GOLGB1: variants seen among roughly 807,000 people sequenced by gnomAD.
The protein encoded by GOLGB1 is golgin B1, also known as golgin subfamily B member 1.
Under a neutral mutation model 336.9 loss-of-function variants are expected in GOLGB1, and 174 were observed. That is an observed-to-expected ratio of 0.52 (90% confidence interval 0.46 to 0.59). The LOEUF (loss-of-function observed/expected upper bound fraction) is 0.59. GOLGB1 is among the 20% of genes least tolerant of loss of function. GOLGB1 has a pLI of 0.00. For missense variants in GOLGB1, 3,331 were observed against 3,645.3 expected (o/e 0.91, Z 2.22); for synonymous variants, 1,208 against 1,289.2 (o/e 0.94, Z 1.35).
At position 121,716,963 on chromosome 3, in the gene GOLGB1, A is replaced by G; in HGVS notation, c.1062T>C (p.Phe354=). The change falls in exon 9 of 22, where the codon TTT becomes TTC. Residue 354 remains phenylalanine (F), a synonymous_variant. Transcript: ENST00000614479. ...QEEMHHLLEQ[F]EQAGQAQAEL... ...CAGCCTGGGCTTGGCCTGCTTGCTC[A>G]AACTGTTCTAAAAGATGATGCATTT... 1 of 1,614,050 alleles carries G rather than the reference A, an allele frequency of 6.2e-7. No individual in the cohort carries two copies. Among genetic ancestry groups the G allele is most frequent in the Non-Finnish European group, 8.5e-7 (1 of 1,179,964 alleles).
At chr3:121,675,329 AC>A (rs1940214392) in intron 17 of GOLGB1, among the ~76,000 whole-genome samples, 1 of 152,200 alleles carries the variant, frequency 6.6e-6, no homozygotes, top group South Asian at 2.1e-4. Context: ...CCAAAGACAG[AC>A]ATATTCTTTA....
intron 20 of GOLGB1, among the ~76,000 whole-genome samples, chr3:121,666,131 T>C (rs915159526): frequency 1.1e-4 from 16 of 152,190 alleles, no homozygotes; most frequent in South Asian, 4.1e-4. Flanking sequence ...ATGAGGAAGA[T>C]GGTACTGGCT....
At chr3:121,720,960 C>T (rs185781422) in intron 6 of GOLGB1, among the ~76,000 whole-genome samples, 234 of 152,222 alleles carry the variant, frequency 1.5e-3, no homozygotes, top group African/African-American at 5.5e-3. Context: ...GGCACTTATT[C>T]GGAAAGCCTT....
At chr3:121,702,661 T>G in intron 10 of GOLGB1, 66 bp from the exon 11 acceptor site, 1 of 641,224 alleles carries the variant, frequency 1.6e-6, no homozygotes, top group Non-Finnish European at 2.5e-6. Flanking sequence ...AACGCCCAGA[T>G]AGCCTCCAGC....
chr3:121,690,734 C>T lies in GOLGB1; in HGVS notation c.8630G>A (p.Ser2877Asn), dbSNP rs1322816028. 6.5e-6 allele frequency: 10 copies of T among 1,545,564 alleles called. No homozygotes were observed. Among genetic ancestry groups the T allele is most frequent in the Non-Finnish European group, 8.7e-6 (10 of 1,152,200 alleles). Residue 2877 changes from serine to asparagine, a missense_variant, in exon 14 of 22, where the codon AGC (serine) becomes AAC (asparagine). Transcript: ENST00000614479. ...KQRSAAQPST[S>N]PAEVQSLKKA... The stretch of plus-strand genomic sequence containing the variant: ...TTTTAAACTCTGTACTTCAGCTGGG[C>T]TGGTGGAAGGCTGAGCTGCAGACCT...
At chr3:121,706,001 A>G (rs1943786474) in intron 10 of GOLGB1, among the ~76,000 whole-genome samples, 1 of 152,136 alleles carries the variant, frequency 6.6e-6, no homozygotes, top group African/African-American at 2.4e-5. Context: ...GAGTCGCATA[A>G]AAAAAGCTCC....
At chr3:121,728,483 T>C (rs937320274) in intron 4 of GOLGB1, among the ~76,000 whole-genome samples, 2 of 152,346 alleles carry the variant, frequency 1.3e-5, no homozygotes, top group South Asian at 2.1e-4. Context: ...CCATATAATC[T>C]GTATCAAACT....
rs78535641 is a variant in GOLGB1 at position 121,747,654 on chromosome 3, C to T, written c.-3+1978G>A. ...CAAAAGCATGTGTATTAGGATTCCA[C>T]TTGTGGGAAAGACAGAAGGGGGTAT... On this transcript the variant is annotated intron_variant, in intron 1 of 21. Transcript: ENST00000614479. Among the ~76,000 whole-genome samples, 941 of 151,934 alleles carry T rather than the reference C, an allele frequency of 6.2e-3. 17 individuals carry two copies. The highest frequency in any genetic ancestry group is 0.022 in the African/African-American group (906 of 41,444).
At position 121,685,975 on chromosome 3, in the gene GOLGB1, A is replaced by G. The variant is rs561521017; in HGVS notation, c.8695-4110T>C. Among the ~76,000 whole-genome samples the G allele has an allele frequency of 7.9e-4, 120 of 152,340 alleles. 2 individuals are homozygous for G. Among genetic ancestry groups the G allele is most frequent in the Middle Eastern group, 3.4e-3 (1 of 294 alleles). On this transcript the variant is annotated intron_variant, in intron 14 of 21. Transcript: ENST00000614479. ...GACTAGAGGTATCCTAGAATGGACC[A>G]TCAGAAAGCTGTGTGCCTGGGACTG...
At chr3:121,744,645 G>T (rs1947124496) in intron 1 of GOLGB1, among the ~76,000 whole-genome samples, 2 of 146,078 alleles carry the variant, frequency 1.4e-5, no homozygotes, top group South Asian at 4.3e-4. Context: ...AAATTAAAAA[G>T]ATTGATAGAA....
At chr3:121,742,959 G>C (rs562482219) in intron 1 of GOLGB1, among the ~76,000 whole-genome samples, 26 of 152,244 alleles carry the variant, frequency 1.7e-4, no homozygotes, top group African/African-American at 6.3e-4. Flanking sequence ...TAAAAAGTCA[G>C]GAAACAACAG....
intron 4 of GOLGB1, among the ~76,000 whole-genome samples, chr3:121,728,684 G>A (rs1404511983): frequency 1.3e-5 from 2 of 152,156 alleles, no homozygotes; most frequent in Non-Finnish European, 2.9e-5. Context: ...TAAACCTAGT[G>A]AGCCTCCCTT....
At position 121,697,465 on chromosome 3, in the gene GOLGB1, CT is replaced by C. The variant is rs771400783; in HGVS notation, c.3057del (p.Glu1020AsnfsTer2). 1 of 1,611,354 alleles carries C rather than the reference CT, an allele frequency of 6.2e-7. No homozygotes were observed. On this transcript the variant is annotated frameshift_variant, in exon 13 of 22. Coordinates refer to ENST00000614479, the MANE Select transcript of GOLGB1 (RefSeq NM_001366282.2). LOFTEE classifies it high-confidence loss of function. ...GATTCATCTTTCAAGTTGGCTAATT[CT>C]TCTTCCAATCTACTGACTCTTTGCA... ...ELLQRVSRLE[E>X]ELANLKDESK...
Position 121,694,702 on chromosome 3 carries a change from T to C in GOLGB1, c.5821A>G (p.Ser1941Gly), listed in dbSNP as rs762104607. The C allele has an allele frequency of 1.2e-6, 2 of 1,611,974 alleles. No individual in the cohort carries two copies. Among genetic ancestry groups the C allele is most frequent in the Admixed American group, 1.7e-5 (1 of 60,022 alleles). The change falls in exon 13 of 22, where the codon AGC becomes GGC. Residue 1941 changes from serine (S) to glycine (G), a missense_variant. Coordinates refer to ENST00000614479, the MANE Select transcript of GOLGB1 (RefSeq NM_001366282.2). ...ACATCCTGACAGTAATTCCCAATGC[T>C]TCCATTAAGTTCTGCTAATTGATTC... ...LMNQLAELNGSIGNYCQDVTD... is the reference protein window; with the variant it reads ...LMNQLAELNGGIGNYCQDVTD...
In GOLGB1 at chr3:121,698,842, G is replaced by T. The variant is rs755635111; in HGVS notation, c.1681C>A (p.His561Asn). 17 of 1,611,068 alleles carry T rather than the reference G, an allele frequency of 1.1e-5. No homozygotes were observed. Among genetic ancestry groups the T allele is most frequent in the Non-Finnish European group, 1.4e-5 (17 of 1,178,288 alleles). The stretch of plus-strand genomic sequence containing the variant: ...AACAATAAAACTGATAATTCTTTAT[G>T]TTTCTGAGAAAATGTGTTTTCTAGA... ...DVLENTFSQKHKELSVLLLEM... is the reference protein window; with the variant it reads ...DVLENTFSQKNKELSVLLLEM... Residue 561 changes from histidine (H) to asparagine (N), a missense_variant, in exon 13 of 22, where the codon CAT becomes AAT. By Grantham distance (68) the His-to-Asn change is moderately conservative. Coordinates refer to ENST00000614479, the MANE Select transcript of GOLGB1 (RefSeq NM_001366282.2).
At chr3:121,729,369 T>C in intron 3 of GOLGB1, 29 bp from the exon 4 acceptor site, 1 of 1,564,894 alleles carries the variant, frequency 6.4e-7, no homozygotes, top group South Asian at 1.1e-5. Context: ...GGTAAATACA[T>C]AAATGTTTAT....
intron 17 of GOLGB1, among the ~76,000 whole-genome samples, chr3:121,673,679 T>A (rs564926304): frequency 6.8e-6 from 1 of 147,556 alleles, no homozygotes; most frequent in Non-Finnish European, 1.5e-5. Context: ...CTATTATAAA[T>A]GGGATTGCTA....
intron 1 of GOLGB1, among the ~76,000 whole-genome samples, chr3:121,740,684 AT>A (rs1946792378): frequency 6.6e-6 from 1 of 152,214 alleles, no homozygotes; most frequent in Non-Finnish European, 1.5e-5. Context: ...TTTTTAAAAA[AT>A]GTAAGAAATT....
At chr3:121,670,666 A>G (rs980157131) in intron 17 of GOLGB1, among the ~76,000 whole-genome samples, 1 of 143,802 alleles carries the variant, frequency 7.0e-6, no homozygotes, top group African/African-American at 2.6e-5. Flanking sequence ...GTGGTTCTTG[A>G]TTCCAAGTCT....
Sources: allele counts gnomAD v4.1 joint callset (sites outside exome capture counted in the v4.1 genomes callset), GRCh38; gene constraint gnomAD v4.1.1; transcripts MANE v1.5; gene names NCBI Gene and HGNC (gene_info 2026-07-23, HGNC 2026-07-21).